ATL1: variants seen among roughly 807,000 people sequenced by gnomAD.
ATL1 encodes atlastin GTPase 1, also known as atlastin-1.
ATL1 carries 31 observed loss-of-function variants against 75.5 expected under a neutral mutation model. The ratio of observed to expected loss-of-function variants is 0.41; its 90% CI spans 0.31 to 0.55. ATL1 has a LOEUF of 0.55. Ranked by LOEUF, ATL1 falls within the 20% of genes least tolerant of loss-of-function variation. The pLI, the probability that ATL1 is intolerant of heterozygous loss-of-function variation, is 0.27. For synonymous variants in ATL1, 226 were observed against 233.3 expected (o/e 0.97, Z 0.28); for missense variants, 405 against 662.6 (o/e 0.61, Z 4.27).
intron 1 of ATL1, among the ~76,000 whole-genome samples, chr14:50,547,620 A>G (rs1036929536): frequency 3.3e-5 from 5 of 152,230 alleles, no homozygotes; most frequent in African/African-American, 7.2e-5. Flanking sequence ...CAGAACCCCT[A>G]TAACAGCCCT....
chr14:50,560,143 TCA>T (rs2038817217), exon 1 of ATL1: 2 of 1,177,540 alleles, frequency 1.7e-6, no homozygotes, highest in Non-Finnish European at 1.2e-6. Context: ...AGCAACATCC[TCA>T]GAGTCTGAGC....
chr14:50,622,348 G>A (rs1305338855), intron 10 of ATL1, among the ~76,000 whole-genome samples: 3 of 152,100 alleles, frequency 2.0e-5, no homozygotes, highest in Non-Finnish European at 4.4e-5. Context: ...GGGCAACATA[G>A]TGAGACCTCA....
At chr14:50,568,580 C>G (rs964785527) in intron 1 of ATL1, among the ~76,000 whole-genome samples, 7 of 152,122 alleles carry the variant, frequency 4.6e-5, no homozygotes, top group Non-Finnish European at 1.0e-4. Flanking sequence ...AAGCAAAGCT[C>G]TTATAGACAG....
At chr14:50,623,124 A>G in intron 10 of ATL1, 53 bp from the exon 11 acceptor site, 1 of 1,488,790 alleles carries the variant, frequency 6.7e-7, no homozygotes, top group South Asian at 1.2e-5. Context: ...TGCCTGTGGA[A>G]GTTTAATCAA....
intron 1 of ATL1, among the ~76,000 whole-genome samples, chr14:50,566,398 A>G (rs2038904544): frequency 6.6e-6 from 1 of 152,154 alleles, no homozygotes; most frequent in Non-Finnish European, 1.5e-5. Flanking sequence ...AAATAAATAT[A>G]TATATATCCC....
intron 1 of ATL1, among the ~76,000 whole-genome samples, chr14:50,569,722 T>C (rs1050899685): frequency 6.6e-6 from 1 of 152,200 alleles, no homozygotes; most frequent in Admixed American, 6.5e-5. Flanking sequence ...TAGCATTTCT[T>C]GAAAGGCAGG....
At chr14:50,533,727 T>G (rs1054879405) in intron 1 of ATL1, among the ~76,000 whole-genome samples, 1 of 152,234 alleles carries the variant, frequency 6.6e-6, no homozygotes. Context: ...GAACATCCAA[T>G]TTTTAATTCT....
intron 1 of ATL1, chr14:50,561,240 G>C (rs539327724): frequency 6.6e-6 from 1 of 152,384 alleles, no homozygotes; most frequent in Admixed American, 6.5e-5. Flanking sequence ...GTGTGGGCAG[G>C]CTGGGCGTCT....
intron 13 of ATL1, among the ~76,000 whole-genome samples, chr14:50,631,313 G>C (rs1487305328): frequency 6.6e-6 from 1 of 151,406 alleles, no homozygotes; most frequent in Non-Finnish European, 1.5e-5. Flanking sequence ...AAAGAAAGTA[G>C]GTATAGACTC....
intron 1 of ATL1, among the ~76,000 whole-genome samples, chr14:50,554,045 C>G (rs1201817777): frequency 6.6e-6 from 1 of 151,874 alleles, no homozygotes; most frequent in Non-Finnish European, 1.5e-5. Flanking sequence ...GAAATCACCA[C>G]TAAAGAACTT....
intron 1 of ATL1, among the ~76,000 whole-genome samples, chr14:50,578,544 A>G (rs2039027695): frequency 6.6e-6 from 1 of 152,106 alleles, no homozygotes; most frequent in South Asian, 2.1e-4. Flanking sequence ...AACCTGCTCC[A>G]TGCATATTGT....
rs1213948292 is a variant in ATL1 at position 50,614,453 on chromosome 14, G to C, written c.804G>C (p.Leu268=). 3 of 1,613,832 alleles carry C rather than the reference G, an allele frequency of 1.9e-6. No homozygotes were observed. The highest frequency in any genetic ancestry group is 1.7e-6 in the Non-Finnish European group (2 of 1,179,926). The part of the protein sequence containing the change: ...HSCFTNISCF[L]LPHPGLKVAT... Reference sequence around the variant, plus strand: ...GTTTCACCAACATTTCCTGTTTTCTGCTACCTCATCCTGGCTTAAAAGTAG... The same window carrying C: ...GTTTCACCAACATTTCCTGTTTTCTCCTACCTCATCCTGGCTTAAAAGTAG... The change falls in exon 8 of 14, where the codon CTG becomes CTC. Residue 268 remains leucine, a synonymous_variant. Coordinates refer to ENST00000358385, the MANE Select transcript of ATL1 (RefSeq NM_015915.5).
intron 1 of ATL1, among the ~76,000 whole-genome samples, chr14:50,551,366 A>T (rs1251869194): frequency 6.6e-6 from 1 of 152,012 alleles, no homozygotes; most frequent in African/African-American, 2.4e-5. Flanking sequence ...ACAAGCAGTG[A>T]GATTGAATCG....
At chr14:50,572,298 T>C (rs1418098666) in intron 1 of ATL1, among the ~76,000 whole-genome samples, 1 of 152,186 alleles carries the variant, frequency 6.6e-6, no homozygotes, top group Admixed American at 6.5e-5. Context: ...TCATGTAAGA[T>C]TAGGATGATC....
chr14:50,594,265 C>CGAGAACAGA (rs1419680599), intron 5 of ATL1, among the ~76,000 whole-genome samples: 2 of 152,066 alleles, frequency 1.3e-5, no homozygotes, highest in Non-Finnish European at 2.9e-5. Context: ...GCGAGAACAG[C>CGAGAACAGA]GAGAACAGAG....
intron 5 of ATL1, 100 bp downstream of exon 5, chr14:50,593,996 C>T: frequency 1.1e-6 from 1 of 935,172 alleles, no homozygotes; most frequent in South Asian, 1.4e-5. Context: ...GATTCTGATT[C>T]TGCTGTTTAA....
chr14:50,573,923 C>T (rs1367632588), intron 1 of ATL1, among the ~76,000 whole-genome samples: 1 of 152,020 alleles, frequency 6.6e-6, no homozygotes, highest in East Asian at 1.9e-4. Flanking sequence ...ACTTTTTGCC[C>T]TGAAGTCTAT....
At chr14:50,547,775 C>T (rs529436438) in intron 1 of ATL1, among the ~76,000 whole-genome samples, 2 of 152,168 alleles carry the variant, frequency 1.3e-5, no homozygotes, top group African/African-American at 2.4e-5. Context: ...GGGAAGTGTC[C>T]GTGCTATGAT....
chr14:50,553,365 C>T (rs2038726292), intron 1 of ATL1, among the ~76,000 whole-genome samples: 1 of 151,176 alleles, frequency 6.6e-6, no homozygotes, highest in Admixed American at 6.6e-5. Flanking sequence ...TGCTCAAAAT[C>T]ACTATAAGGG....
Sources: allele counts gnomAD v4.1 joint callset (sites outside exome capture counted in the v4.1 genomes callset), GRCh38; gene constraint gnomAD v4.1.1; transcripts MANE v1.5; gene names NCBI Gene and HGNC (gene_info 2026-07-23, HGNC 2026-07-21).